Variants in DTNA observed in about 807,000 individuals in gnomAD.
DTNA encodes the protein dystrobrevin alpha.
DTNA carries 43 observed loss-of-function variants against 100.7 expected under a neutral mutation model. The ratio of observed to expected loss-of-function variants is 0.43; its 90% CI spans 0.33 to 0.55. The LOEUF is 0.55. DTNA is among the 20% of genes least tolerant of loss of function. DTNA has a pLI of 0.04. For synonymous variants in DTNA, 349 were observed against 347.9 expected, an observed-to-expected ratio of 1.00 and a Z score of -0.04; for missense variants, 798 against 953.9, an observed-to-expected ratio of 0.84 and a Z score of 2.15.
intron 4 of DTNA, among the ~76,000 whole-genome samples, chr18:34,796,763 T>C (rs2094989794): frequency 6.6e-6 from 1 of 152,164 alleles, no homozygotes; most frequent in Non-Finnish European, 1.5e-5. Context: ...AACTTGGCCA[T>C]TTTGTGGGGG....
At chr18:34,725,133 C>G in intron 1 of DTNA, among the ~76,000 whole-genome samples, 1 of 151,982 alleles carries the variant, frequency 6.6e-6, no homozygotes, top group Non-Finnish European at 1.5e-5. Context: ...GACCTAAAGC[C>G]ATAAAAACCC....
At position 34,851,875 on chromosome 18, in the gene DTNA, C is replaced by T. The variant is rs145061501; in HGVS notation, c.1479C>T (p.Ile493=). 4.8e-5 allele frequency: 77 copies of T among 1,613,888 alleles called. No homozygotes were observed. The highest frequency in any genetic ancestry group is 6.1e-5 in the Non-Finnish European group (72 of 1,179,934). ...GTGCTCCTGACATCTCTTTCACCATCGATGCGAATAAGCAGCAAAGGCAGC... is the reference window on the plus strand; with the variant it reads ...GTGCTCCTGACATCTCTTTCACCATTGATGCGAATAAGCAGCAAAGGCAGC... The part of the protein sequence containing the change: ...QRSAPDISFT[I]DANKQQRQLI... The change falls in exon 15 of 23, where the codon ATC becomes ATT. Residue 493 remains isoleucine, a synonymous_variant. Coordinates refer to ENST00000444659, the MANE Select transcript of DTNA (RefSeq NM_001386795.1).
intron 17 of DTNA, among the ~76,000 whole-genome samples, chr18:34,873,964 C>T (rs905444975): frequency 1.3e-5 from 2 of 152,178 alleles, no homozygotes; most frequent in South Asian, 2.1e-4. Context: ...ATGGGACCCT[C>T]AGCCCATTGG....
intron 1 of DTNA, among the ~76,000 whole-genome samples, chr18:34,703,093 A>T (rs1201179776): frequency 6.6e-6 from 1 of 152,216 alleles, no homozygotes; most frequent in East Asian, 1.9e-4. Context: ...TACAGGTATA[A>T]CAGTATGGTT....
intron 1 of DTNA, chr18:34,683,789 A>G (rs542360593): frequency 1.3e-5 from 2 of 152,304 alleles, no homozygotes; most frequent in African/African-American, 4.8e-5. Context: ...AAAAATTCTA[A>G]TCATTAACAT....
chr18:34,866,290 T>G, intron 17 of DTNA: 9 of 1,523,526 alleles, frequency 5.9e-6, no homozygotes, highest in Non-Finnish European at 7.9e-6. Flanking sequence ...GTGCTTGAAT[T>G]GAGATATATA....
intron 1 of DTNA, among the ~76,000 whole-genome samples, chr18:34,547,477 A>C (rs904194254): frequency 6.6e-6 from 1 of 152,076 alleles, no homozygotes; most frequent in Admixed American, 6.6e-5. Flanking sequence ...TCTTGGGAGA[A>C]GTCTTACAGG....
intron 1 of DTNA, among the ~76,000 whole-genome samples, chr18:34,601,882 A>G (rs1461125563): frequency 2.6e-5 from 4 of 152,208 alleles, no homozygotes; most frequent in African/African-American, 9.7e-5. Context: ...CGTTGGGGCA[A>G]TTCCTACAGA....
At chr18:34,658,492 A>G (rs910453070) in intron 1 of DTNA, among the ~76,000 whole-genome samples, 16 of 151,990 alleles carry the variant, frequency 1.1e-4, no homozygotes, top group African/African-American at 3.4e-4. Flanking sequence ...TGCTGAGACA[A>G]CAGGAGTGTG....
At chr18:34,581,210 T>A (rs1369360982) in intron 1 of DTNA, among the ~76,000 whole-genome samples, 2 of 152,134 alleles carry the variant, frequency 1.3e-5, no homozygotes, top group Non-Finnish European at 2.9e-5. Flanking sequence ...ATCGCACCAC[T>A]GCACTCCAGC....
intron 15 of DTNA, among the ~76,000 whole-genome samples, chr18:34,856,373 C>T (rs1051648005): frequency 1.3e-5 from 2 of 152,228 alleles, no homozygotes; most frequent in Non-Finnish European, 2.9e-5. Context: ...TAGAGTTCCT[C>T]ATTTCATTTA....
chr18:34,515,007 G>A (rs1477893596), intron 1 of DTNA, among the ~76,000 whole-genome samples: 1 of 151,994 alleles, frequency 6.6e-6, no homozygotes, highest in East Asian at 1.9e-4. Flanking sequence ...GGTAGACTGA[G>A]TTTTTGGGTT....
chr18:34,692,388 C>G (rs1464629710), intron 1 of DTNA, among the ~76,000 whole-genome samples: 1 of 152,018 alleles, frequency 6.6e-6, no homozygotes, highest in Non-Finnish European at 1.5e-5. Context: ...CCCTGTTATT[C>G]CGAGAAAAAA....
intron 11 of DTNA, among the ~76,000 whole-genome samples, chr18:34,836,673 A>C (rs1175134885): frequency 6.6e-6 from 1 of 150,944 alleles, no homozygotes; most frequent in African/African-American, 2.4e-5. Flanking sequence ...AAAAAAGGTC[A>C]ATTTTGTTGG....
intron 1 of DTNA, among the ~76,000 whole-genome samples, chr18:34,576,223 T>G (rs2849492): frequency 0.19 from 29,555 of 152,030 alleles, 3,351 homozygotes; most frequent in African/African-American, 0.3. Context: ...CTATTGCATG[T>G]CCTGTGTCAC....
chr18:34,820,878 G>T lies in DTNA; in HGVS notation c.964G>T (p.Asp322Tyr). Residue 322 changes from aspartate to tyrosine, a missense_variant, in exon 9 of 23, where the codon GAT (aspartate) becomes TAT (tyrosine). By Grantham distance (160) the Asp-to-Tyr change is radical. Transcript: ENST00000444659. Reference protein sequence around the residue: ...SREPLHPMFPDQPEKPLNLAH... With the variant: ...SREPLHPMFPYQPEKPLNLAH... ...TGAACCTTTGCACCCCATGTTCCCA[G>T]ATCAGCCTGAGAAGCCACTCAACTT... The T allele has an allele frequency of 6.2e-7, 1 of 1,614,072 alleles. No homozygotes were observed. Among genetic ancestry groups the T allele is most frequent in the South Asian group, 1.1e-5 (1 of 91,086 alleles).
chr18:34,837,827 A>G (rs2096184812), intron 11 of DTNA, among the ~76,000 whole-genome samples: 1 of 152,216 alleles, frequency 6.6e-6, no homozygotes, highest in Admixed American at 6.5e-5. Context: ...TTATGTCTAG[A>G]CATACTCAAT....
chr18:34,754,428 T>A (rs1456679515), intron 1 of DTNA, among the ~76,000 whole-genome samples: 1 of 152,194 alleles, frequency 6.6e-6, no homozygotes, highest in Non-Finnish European at 1.5e-5. Context: ...TCTCTGCCAC[T>A]ACAGTATAAG....
At chr18:34,496,910 T>C (rs1254405637) in intron 1 of DTNA, among the ~76,000 whole-genome samples, 1 of 152,206 alleles carries the variant, frequency 6.6e-6, no homozygotes, top group Non-Finnish European at 1.5e-5. Context: ...GAATCAGAGA[T>C]GTGTGTCACT....
Sources: gnomAD v4.1 joint callset for allele counts (sites outside exome capture counted in the v4.1 genomes callset) on GRCh38, gnomAD v4.1.1 for gene constraint, MANE v1.5 for transcripts, NCBI Gene and HGNC (gene_info 2026-07-23, HGNC 2026-07-21) for gene names.